SHISA9: variants seen among roughly 807,000 people sequenced by gnomAD.
The protein encoded by SHISA9 is shisa family member 9, also known as protein shisa-9.
In SHISA9, 13 loss-of-function variants were observed where a neutral mutation model predicts 38.0. The observed-to-expected ratio is 0.34, with a 90% CI of 0.22 to 0.54. The LOEUF is 0.54. Among genes scored for constraint, SHISA9 ranks in the 20% least tolerant of loss-of-function variants. The pLI, the probability that SHISA9 is intolerant of heterozygous loss-of-function variation, is 0.91. For synonymous variants in SHISA9, 275 were observed against 242.0 expected, an observed-to-expected ratio of 1.14 and a Z score of -1.27; for missense variants, 538 against 575.8, an observed-to-expected ratio of 0.93 and a Z score of 0.67.
chr16:12,914,107 G>T (rs1200528459), intron 1 of SHISA9, among the ~76,000 whole-genome samples: 1 of 146,388 alleles, frequency 6.8e-6, no homozygotes, highest in Non-Finnish European at 1.5e-5. Context: ...GTGCAATGGC[G>T]CGATCTCGGC....
At chr16:13,301,826 T>G in the SHISA9 span, among the ~76,000 whole-genome samples, 3 of 152,310 alleles carry the variant, frequency 2.0e-5, no homozygotes, top group African/African-American at 7.2e-5. Flanking sequence ...ATCCTGACTC[T>G]ACCAAACTTA....
intron 2 of SHISA9, among the ~76,000 whole-genome samples, chr16:12,937,341 C>A (rs969052007): frequency 3.9e-5 from 6 of 152,216 alleles, no homozygotes; most frequent in African/African-American, 1.4e-4. Flanking sequence ...TCTCCTCAAG[C>A]ACTCTAATTC....
At chr16:13,126,673 G>A (rs1391722769) in intron 2 of SHISA9, among the ~76,000 whole-genome samples, 4 of 149,692 alleles carry the variant, frequency 2.7e-5, no homozygotes, top group African/African-American at 9.9e-5. Flanking sequence ...GGAAGGGAGA[G>A]AGAGAGAGAC....
At chr16:13,148,260 C>G (rs1347820737) in intron 2 of SHISA9, among the ~76,000 whole-genome samples, 4 of 152,084 alleles carry the variant, frequency 2.6e-5, no homozygotes, top group Non-Finnish European at 5.9e-5. Context: ...CACATATTCC[C>G]CACGCTCCGT....
At chr16:13,286,201 C>T in the SHISA9 span, among the ~76,000 whole-genome samples, 18 of 152,188 alleles carry the variant, frequency 1.2e-4, no homozygotes, top group East Asian at 3.5e-3. Context: ...TGTCATATCT[C>T]CCTAAAATGT....
chr16:13,313,242 G>A, the SHISA9 span, among the ~76,000 whole-genome samples: 2 of 122,914 alleles, frequency 1.6e-5, no homozygotes, highest in South Asian at 2.7e-4. Context: ...GCGACAGAGC[G>A]AGACTCCGTC....
At chr16:13,074,591 A>G (rs529581062) in intron 2 of SHISA9, among the ~76,000 whole-genome samples, 1 of 151,714 alleles carries the variant, frequency 6.6e-6, no homozygotes, top group Admixed American at 6.6e-5. Context: ...AGCTTCCTAC[A>G]CTTGTGGGAG....
chr16:13,073,984 G>C (rs1303981297), intron 2 of SHISA9, among the ~76,000 whole-genome samples: 5 of 136,276 alleles, frequency 3.7e-5, no homozygotes, highest in Admixed American at 7.2e-5. Flanking sequence ...TTTTTTTTGT[G>C]GGGGGTGCAG....
the SHISA9 span, among the ~76,000 whole-genome samples, chr16:13,499,297 T>G: frequency 1.3e-5 from 2 of 152,184 alleles, no homozygotes; most frequent in Admixed American, 6.5e-5. Context: ...AATGACGTAG[T>G]TTTGGCAAAG....
chr16:13,229,065 C>G (rs2051306313), intron 4 of SHISA9, among the ~76,000 whole-genome samples: 1 of 152,158 alleles, frequency 6.6e-6, no homozygotes, highest in Admixed American at 6.5e-5. Flanking sequence ...GAGGCTGAGA[C>G]AGGAGAATCA....
chr16:12,942,106 T>A (rs1162285443), intron 2 of SHISA9, among the ~76,000 whole-genome samples: 2 of 152,170 alleles, frequency 1.3e-5, no homozygotes, highest in African/African-American at 4.8e-5. Context: ...CCCAACAGCT[T>A]GAATTAATCA....
At chr16:12,979,797 CT>C (rs1315800956) in intron 2 of SHISA9, among the ~76,000 whole-genome samples, 2 of 151,910 alleles carry the variant, frequency 1.3e-5, no homozygotes, top group Non-Finnish European at 2.9e-5. Flanking sequence ...ATTTTTCATC[CT>C]TGTTTTCTTC....
At chr16:13,173,537 G>C (rs1027293970) in intron 2 of SHISA9, among the ~76,000 whole-genome samples, 1 of 152,136 alleles carries the variant, frequency 6.6e-6, no homozygotes. Context: ...TAGATCAGCA[G>C]TTCTTAACTG....
intron 2 of SHISA9, among the ~76,000 whole-genome samples, chr16:13,070,228 A>C (rs2073496858): frequency 6.7e-6 from 1 of 149,686 alleles, no homozygotes; most frequent in African/African-American, 2.5e-5. Flanking sequence ...ATCCTTTTCC[A>C]TTTTTTCTCC....
At chr16:13,406,006 G>C in the SHISA9 span, among the ~76,000 whole-genome samples, 2 of 147,540 alleles carry the variant, frequency 1.4e-5, no homozygotes, top group Non-Finnish European at 3.0e-5. Context: ...TTAAACTAAA[G>C]AAAAAGAAAT....
intron 2 of SHISA9, among the ~76,000 whole-genome samples, chr16:13,087,429 TA>T (rs2073725538): frequency 6.6e-6 from 1 of 151,822 alleles, no homozygotes. Flanking sequence ...TGAACCAATT[TA>T]CACTCCCACC....
intron 1 of SHISA9, chr16:12,908,392 T>C: frequency 6.5e-7 from 1 of 1,526,794 alleles, no homozygotes; most frequent in East Asian, 2.5e-5. Context: ...CTAAGTGGTG[T>C]TGAAAAATCC....
chr16:13,218,391 G>A (rs746840024), intron 4 of SHISA9, among the ~76,000 whole-genome samples: 6 of 152,122 alleles, frequency 3.9e-5, no homozygotes, highest in Admixed American at 2.0e-4. Context: ...AGATGCAATC[G>A]CAGTTTGCGA....
the SHISA9 span, among the ~76,000 whole-genome samples, chr16:13,549,200 C>T: frequency 1.1e-4 from 17 of 152,142 alleles, no homozygotes; most frequent in African/African-American, 3.9e-4. Context: ...ATAATTGTTG[C>T]CAGAGACTGG....
Sources: gnomAD v4.1 joint callset for allele counts (sites outside exome capture counted in the v4.1 genomes callset) on GRCh38, gnomAD v4.1.1 for gene constraint, MANE v1.5 for transcripts, NCBI Gene and HGNC (gene_info 2026-07-23, HGNC 2026-07-21) for gene names.